Variants in GPC2 observed in about 807,000 individuals in gnomAD.
The protein encoded by GPC2 is glypican-2.
Under a neutral mutation model 57.3 loss-of-function variants are expected in GPC2, and 42 were observed. The observed-to-expected ratio is 0.73, with a 90% CI of 0.57 to 0.95. The LOEUF is 0.95. Among genes scored for constraint, GPC2 ranks in the 40% least tolerant of loss-of-function variants. The probability of loss-of-function intolerance (pLI) is 0.00; values close to 1 mark genes in which losing one functional copy is unlikely to be tolerated. For missense variants in GPC2, 745 were observed against 793.6 expected, an observed-to-expected ratio of 0.94 and a Z score of 0.74; for synonymous variants, 364 against 343.4, an observed-to-expected ratio of 1.06 and a Z score of -0.66.
At position 100,172,493 on chromosome 7, in the gene GPC2, A is replaced by G. The variant is rs543121628; in HGVS notation, c.893-276T>C. ...TTTTTTTTTTTTGAGACATAGTCTCACTCTGTCGCCCAGGCTGGATGGAGT... is the reference window on the plus strand; with the variant it reads ...TTTTTTTTTTTTGAGACATAGTCTCGCTCTGTCGCCCAGGCTGGATGGAGT... On this transcript the variant is annotated intron_variant, in intron 5 of 9. Coordinates refer to ENST00000292377, the MANE Select transcript of GPC2 (RefSeq NM_152742.3). Among the ~76,000 whole-genome samples the G allele has an allele frequency of 6.3e-3, 924 of 147,010 alleles. 12 individuals carry two copies. Among genetic ancestry groups the G allele is most frequent in the Middle Eastern group, 0.043 (12 of 280 alleles).
intron 5 of GPC2, 80 bp from the exon 6 acceptor site, chr7:100,172,297 G>T (rs1233298297): frequency 2.0e-6 from 3 of 1,468,248 alleles, no homozygotes; most frequent in African/African-American, 1.4e-5. Flanking sequence ...CCTCACTCGG[G>T]CCTTAGAGAA....
At chr7:100,170,555 T>C (rs1403485222) in intron 9 of GPC2, 72 bp from the exon 10 acceptor site, 2 of 1,339,724 alleles carry the variant, frequency 1.5e-6, no homozygotes, top group Non-Finnish European at 2.0e-6. Flanking sequence ...GAAAAGAAAT[T>C]GAGATAAAAA....
chr7:100,171,790 G>A lies in GPC2; in HGVS notation c.1159C>T (p.Leu387=). The stretch of plus-strand genomic sequence containing the variant: ...GTCATCCCACGCACCAGCCGGTGCA[G>A]GTTGGTGCCTGCGGCCGTCGTGGGC... The part of the protein sequence containing the change: ...ERPTTAAGTN[L]HRLVWELRER... Residue 387 remains leucine, a synonymous_variant, in exon 7 of 10, where the codon CTG becomes TTG. Transcript: ENST00000292377. This position sits in a 1 kb window ranked among gnomAD's most constrained non-coding sequence, Gnocchi z 4.8. 6.4e-7 allele frequency: 1 copy of A among 1,565,712 alleles called. No individual in the cohort carries two copies. The highest frequency in any genetic ancestry group is 1.4e-5 in the African/African-American group (1 of 73,014).
rs759576929 is a variant in GPC2 at position 100,170,081 on chromosome 7, TCTC to T, written c.*146_*148del. On this transcript the variant is annotated 3_prime_UTR_variant, in exon 10 of 10. Coordinates refer to ENST00000292377, the MANE Select transcript of GPC2 (RefSeq NM_152742.3). ...AACACCCACCCACCTCTGATGAAAA[TCTC>T]CTGGATTTGGGGCCCCAGCCATTCA... 7.0e-5 allele frequency: 43 copies of T among 612,714 alleles called. No homozygotes were observed. In the East Asian group the frequency reaches 1.1e-3, roughly 16 times the overall value. The allele number at this position is 612,714 out of a possible 1,614,324, so 38.0% of individuals were successfully genotyped here.
Position 100,173,845 on chromosome 7 carries a change from G to A in GPC2, c.882C>T (p.Gly294=). ...LSSRGLEPDW[G]NYLDGLLILA... is the part of the protein sequence containing the mutation. The stretch of plus-strand genomic sequence containing the variant: ...CTTGAATCCCCTCACCCAGATAGTT[G>A]CCCCAGTCAGGCTCCAGTCCCCTGC... The change falls in exon 5 of 10, where the codon GGC becomes GGT. Residue 294 remains glycine, a synonymous_variant. Transcript: ENST00000292377. 1 of 1,565,672 alleles carries A rather than the reference G, an allele frequency of 6.4e-7. No individual in the cohort carries two copies. The highest frequency in any genetic ancestry group is 8.6e-7 in the Non-Finnish European group (1 of 1,156,414).
Position 100,171,909 on chromosome 7 carries a change from C to T in GPC2, c.1040G>A (p.Gly347Asp). ...GCGGGCAGGCACCGGGTCGGGGGGG[C>T]CGCACTCCTGAAACACCTGCGGCAC... is the stretch of plus-strand genomic sequence containing the variant. The part of the protein sequence containing the change: ...KVSAQVFQEC[G>D]PPDPVPARNR... Residue 347 changes from glycine (G) to aspartate (D), a missense_variant, in exon 7 of 10, where the codon GGC (glycine) becomes GAC (aspartate). Coordinates refer to ENST00000292377, the MANE Select transcript of GPC2 (RefSeq NM_152742.3). The surrounding 1 kb of genome is among the most constrained non-coding windows in gnomAD (Gnocchi z 4.8). The T allele has an allele frequency of 6.7e-7, 1 of 1,495,952 alleles. No homozygotes were observed. Among genetic ancestry groups the T allele is most frequent in the Non-Finnish European group, 8.9e-7 (1 of 1,127,728 alleles). The allele number at this position is 1,495,952 out of a possible 1,614,324, so 92.7% of individuals were successfully genotyped here. A position where few individuals can be genotyped will look rare whatever the true frequency, so the allele number is the denominator to read the frequency against.
rs777360795 is a variant in GPC2 at position 100,174,565 on chromosome 7, T to G, written c.729+120A>C. ...TAATTCATCCTAGGACACCAGGGCC[T>G]GGAGGCAGACAGAGCCCAAGGCCTG... On this transcript the variant is annotated intron_variant, in intron 4 of 9. Coordinates refer to ENST00000292377, the MANE Select transcript of GPC2 (RefSeq NM_152742.3). The G allele has an allele frequency of 8.1e-5, 61 of 753,224 alleles. No individual in the cohort carries two copies. In the East Asian group the frequency reaches 1.3e-3, roughly 16 times the overall value. The allele number at this position is 753,224 out of a possible 1,614,324, so 46.7% of individuals were successfully genotyped here.
chr7:100,171,443 G>A lies in GPC2; in HGVS notation c.1311-7C>T, dbSNP rs759200893. ...GACCACTGGCGGCAAGTACCTGCGA[G>A]CAGAGCAGCCCCGAAGCGCCAGCTA... On this transcript the variant is annotated splice_polypyrimidine_tract_variant and splice_region_variant and intron_variant, in intron 8 of 9. Transcript: ENST00000292377. This position sits in a 1 kb window ranked among gnomAD's most constrained non-coding sequence, Gnocchi z 4.8. The A allele has an allele frequency of 4.2e-6, 6 of 1,437,188 alleles. No homozygotes were observed. The East Asian group carries it at 1.8e-4, about 42-fold the overall frequency. 89.0% of individuals were successfully genotyped at this position (1,437,188 alleles called of 1,614,324 possible).
chr7:100,171,899 G>A lies in GPC2; in HGVS notation c.1050C>T (p.Asp350=), dbSNP rs999145834. ...AQVFQECGPP[D]PVPARNRRAP... ...CTCGACGGTTGCGGGCAGGCACCGG[G>A]TCGGGGGGGCCGCACTCCTGAAACA... The change falls in exon 7 of 10, where the codon GAC becomes GAT. Residue 350 remains aspartate (D), a synonymous_variant. Transcript: ENST00000292377. This position sits in a 1 kb window ranked among gnomAD's most constrained non-coding sequence, Gnocchi z 4.8. 38 of 1,501,052 alleles carry A rather than the reference G, an allele frequency of 2.5e-5. No homozygotes were observed. The highest frequency in any genetic ancestry group is 3.4e-5 in the Non-Finnish European group (38 of 1,130,194). The allele number at this position is 1,501,052 out of a possible 1,614,324, so 93.0% of individuals were successfully genotyped here. A position where few individuals can be genotyped will look rare whatever the true frequency, so the allele number is the denominator to read the frequency against.
In GPC2 at chr7:100,175,729, G is replaced by T. The variant is rs768056762; in HGVS notation, c.491C>A (p.Ala164Glu). ...CTCCAGGAGCTGTGCCCAGAAATCC[G>T]CCAGGGTGTCATCCAACCCCTCACC... ...ESGEGLDDTL[A>E]DFWAQLLERV... is the part of the protein sequence containing the mutation. The change falls in exon 3 of 10, where the codon GCG (alanine) becomes GAG (glutamate). Residue 164 changes from alanine to glutamate, a missense_variant. This residue lies in a region of GPC2 where 607 missense variants were observed against 603.9 expected (regional missense o/e 1.01). Transcript: ENST00000292377. 23 of 1,614,000 alleles carry T rather than the reference G, an allele frequency of 1.4e-5. No homozygotes were observed. Among genetic ancestry groups the T allele is most frequent in the African/African-American group, 2.7e-5 (2 of 74,902 alleles).
Position 100,169,971 on chromosome 7 carries a change from A to C in GPC2, c.*259T>G. 2.9e-6 allele frequency: 1 copy of C among 345,740 alleles called. No homozygotes were observed. The highest frequency in any genetic ancestry group is 5.6e-5 in the East Asian group (1 of 17,930). The allele number at this position is 345,740 out of a possible 1,614,324, so 21.4% of individuals were successfully genotyped here. A position where few individuals can be genotyped will look rare whatever the true frequency, so the allele number is the denominator to read the frequency against. On this transcript the variant is annotated 3_prime_UTR_variant, in exon 10 of 10. Transcript: ENST00000292377. ...CCCCAGCCTTAGAGGGCTAGAGACT[A>C]TACCTTCTAAGGAAACCACACTCCC...
chr7:100,173,625 CTTCCTTCT>C (rs983175986), intron 5 of GPC2: 4 of 377,022 alleles, frequency 1.1e-5, no homozygotes, highest in Non-Finnish European at 1.9e-5. Context: ...TCTTTCTTTC[CTTCCTTCT>C]TTCCTTCTTT....
chr7:100,174,889 G>A (rs1228889430), intron 3 of GPC2, 124 bp from the exon 4 acceptor site: 5 of 678,010 alleles, frequency 7.4e-6, no homozygotes, highest in Non-Finnish European at 7.8e-6. Flanking sequence ...AGAGTGGGTC[G>A]AGTGTTGGGT....
chr7:100,172,645 A>AGAGGTGTGTGTG, intron 5 of GPC2, among the ~76,000 whole-genome samples: 1 of 144,472 alleles, frequency 6.9e-6, no homozygotes, highest in Non-Finnish European at 1.5e-5. Flanking sequence ...TTGTATATAT[A>AGAGGTGTGTGTG]TATATGTGTG....
In GPC2 at chr7:100,174,753, G is replaced by A. The variant is rs372853441; in HGVS notation, c.661C>T (p.Leu221=). Residue 221 remains leucine (L), a synonymous_variant, in exon 4 of 10, where the codon CTG becomes TTG. Transcript: ENST00000292377. ...RRLRLQITRT[L]VAARAFVQGL... Reference sequence around the variant, plus strand: ...TGCACAAAGGCTCGGGCAGCCACCAGGGTCCGGGTTATCTGGGAGAAGGCA... The same window carrying A: ...TGCACAAAGGCTCGGGCAGCCACCAAGGTCCGGGTTATCTGGGAGAAGGCA... The A allele has an allele frequency of 1.9e-6, 3 of 1,613,922 alleles. No homozygotes were observed. The African/African-American group carries it at 4.0e-5, about 22-fold the overall frequency.
intron 5 of GPC2, chr7:100,173,570 A>C: frequency 8.8e-6 from 2 of 226,160 alleles, no homozygotes; most frequent in South Asian, 1.5e-4. Context: ...GGGCGCTACC[A>C]TGCCTGGCTG....
rs776625855 is a variant in GPC2 at position 100,171,367 on chromosome 7, G to A, written c.1380C>T (p.Ala460=). Residue 460 remains alanine (A), a synonymous_variant, in exon 9 of 10, where the codon GCC becomes GCT. Transcript: ENST00000292377. The surrounding 1 kb of genome is among the most constrained non-coding windows in gnomAD (Gnocchi z 4.8). ...QVNNPELKVD[A]SGPDVPTRRR... ...GCCGTGTCGGGACATCGGGGCCCGA[G>A]GCGTCCACCTTGAGCTCGGGGTTGT... The A allele has an allele frequency of 6.5e-7, 1 of 1,543,886 alleles. No homozygotes were observed. Among genetic ancestry groups the A allele is most frequent in the Non-Finnish European group, 8.7e-7 (1 of 1,145,814 alleles).
rs768250696 is a variant in GPC2, at chr7:100,171,859, C to T, written c.1090G>A (p.Glu364Lys). Residue 364 changes from glutamate to lysine, a missense_variant, in exon 7 of 10, where the codon GAA becomes AAA. Transcript: ENST00000292377. This position sits in a 1 kb window ranked among gnomAD's most constrained non-coding sequence, Gnocchi z 4.8. ...ATCGACCACAGCCGGCCCGCCTCTT[C>T]CCGGGGCGGCGGGGCTCGACGGTTG... Reference protein sequence around the residue: ...ARNRRAPPPREEAGRLWSMVT... With the variant: ...ARNRRAPPPRKEAGRLWSMVT... 6.5e-6 allele frequency: 10 copies of T among 1,546,228 alleles called. No homozygotes were observed. The Admixed American group carries it at 7.7e-5, about 12-fold the overall frequency.
rs183310079 is a variant in GPC2 at position 100,172,697 on chromosome 7, A to G, written c.893-480T>C. Among the ~76,000 whole-genome samples the G allele has an allele frequency of 5.6e-3, 790 of 141,870 alleles. 5 individuals carry two copies. Among genetic ancestry groups the G allele is most frequent in the Middle Eastern group, 0.04 (11 of 274 alleles). 93.1% of individuals were successfully genotyped at this position (141,870 alleles called of 152,430 possible). The stretch of plus-strand genomic sequence containing the variant: ...TGTGTGTGTGTGTGTATATATATAT[A>G]CGTGTATATATATGTATATATACAC... On this transcript the variant is annotated intron_variant, in intron 5 of 9. Coordinates refer to ENST00000292377, the MANE Select transcript of GPC2 (RefSeq NM_152742.3).
Sources: allele counts gnomAD v4.1 joint callset (sites outside exome capture counted in the v4.1 genomes callset), GRCh38; gene constraint gnomAD v4.1.1; regional missense constraint gnomAD v4.1.1; non-coding constraint Gnocchi (gnomAD v3.1); transcripts MANE v1.5; gene names NCBI Gene and HGNC (gene_info 2026-07-23, HGNC 2026-07-21).